MYO3A: variants seen among roughly 807,000 people sequenced by gnomAD.
MYO3A encodes the protein myosin-IIIa.
Under a neutral mutation model 192.7 loss-of-function variants are expected in MYO3A, and 180 were observed. The observed-to-expected ratio is 0.93, with a 90% CI of 0.83 to 1.06. The LOEUF (loss-of-function observed/expected upper bound fraction) is 1.06, where lower values mean the gene tolerates loss of function less well. Among genes scored for constraint, MYO3A ranks in the 50% least tolerant of loss-of-function variants. MYO3A has a pLI of 0.00. For synonymous variants in MYO3A, 628 were observed against 645.3 expected, an observed-to-expected ratio of 0.97 and a Z score of 0.41; for missense variants, 1,896 against 1,905.0, an observed-to-expected ratio of 1.00 and a Z score of 0.09.
intron 15 of MYO3A, among the ~76,000 whole-genome samples, chr10:26,093,682 C>T (rs1209544822): frequency 6.6e-6 from 1 of 152,120 alleles, no homozygotes; most frequent in Non-Finnish European, 1.5e-5. Flanking sequence ...TTTTTCTCTA[C>T]ACTCTCTCAC....
intron 12 of MYO3A, among the ~76,000 whole-genome samples, chr10:26,069,645 T>C (rs7084483): frequency 0.47 from 71,943 of 151,650 alleles, 17,839 homozygotes; most frequent in Middle Eastern, 0.59. Flanking sequence ...TGGTGCAATC[T>C]TGCTATCAAT....
At chr10:26,170,359 A>T in intron 28 of MYO3A, 57 bp from the exon 29 acceptor site, 1 of 1,582,222 alleles carries the variant, frequency 6.3e-7, no homozygotes, top group South Asian at 1.1e-5. Context: ...TACTCTTTAA[A>T]GTAAATTTCT....
intron 4 of MYO3A, among the ~76,000 whole-genome samples, chr10:25,990,911 A>G (rs1313456533): frequency 6.6e-6 from 1 of 151,916 alleles, no homozygotes; most frequent in African/African-American, 2.4e-5. Flanking sequence ...CCAGTCTATC[A>G]TTGTTGGACA....
intron 4 of MYO3A, among the ~76,000 whole-genome samples, chr10:25,955,431 C>T (rs1653501171): frequency 6.6e-6 from 1 of 152,018 alleles, no homozygotes; most frequent in Admixed American, 6.6e-5. Flanking sequence ...CTTTTTCTGT[C>T]TTTATTGAAT....
chr10:25,956,513 T>G (rs1008132402), intron 4 of MYO3A, among the ~76,000 whole-genome samples: 3 of 149,854 alleles, frequency 2.0e-5, no homozygotes, highest in African/African-American at 7.3e-5. Context: ...TTTTTTTTTT[T>G]TTGTATTTTT....
intron 22 of MYO3A, 57 bp from the exon 23 acceptor site, chr10:26,147,373 G>A: frequency 6.8e-7 from 1 of 1,478,664 alleles, no homozygotes. Context: ...TGATGGTGAG[G>A]AGGAGGAGGA....
chr10:26,154,915 A>T, intron 25 of MYO3A, 92 bp downstream of exon 25: 6 of 1,054,006 alleles, frequency 5.7e-6, no homozygotes, highest in Non-Finnish European at 8.6e-6. Flanking sequence ...AGCAAAGAGA[A>T]TGTTTATTGT....
intron 10 of MYO3A, among the ~76,000 whole-genome samples, chr10:26,045,656 C>T (rs1046684007): frequency 6.6e-6 from 1 of 152,122 alleles, no homozygotes; most frequent in African/African-American, 2.4e-5. Context: ...CCTCAGGAAA[C>T]AGAATCTCAT....
At chr10:26,064,619 C>A (rs747351753) in intron 10 of MYO3A, among the ~76,000 whole-genome samples, 1 of 151,896 alleles carries the variant, frequency 6.6e-6, no homozygotes, top group Non-Finnish European at 1.5e-5. Flanking sequence ...TGGCAGCAGG[C>A]AAACCTCTTG....
intron 23 of MYO3A, 94 bp from the exon 24 acceptor site, chr10:26,153,752 GATTA>G: frequency 1.3e-6 from 1 of 796,520 alleles, no homozygotes. Flanking sequence ...AATATTGCAG[GATTA>G]ACAATGCTTA....
chr10:26,193,182 G>C (rs762813070), intron 31 of MYO3A, 23 bp from the exon 32 acceptor site: 1 of 1,524,276 alleles, frequency 6.6e-7, no homozygotes, highest in East Asian at 2.3e-5. Flanking sequence ...TTAAATACTT[G>C]TTTATGATCA....
Position 26,205,052 on chromosome 10 carries a change from A to G in MYO3A, c.4730+1945A>G, listed in dbSNP as rs555302135. The stretch of plus-strand genomic sequence containing the variant: ...TCTTTTTGTGTATATACACACACCA[A>G]GTATTGGCATTGCGCGAGAGGGTGT... On this transcript the variant is annotated intron_variant, in intron 34 of 34. Transcript: ENST00000642920. Among the ~76,000 whole-genome samples the G allele has an allele frequency of 3.9e-5, 6 of 152,356 alleles. No homozygotes were observed. In the South Asian group the frequency reaches 1.0e-3, roughly 26 times the overall value.
intron 20 of MYO3A, among the ~76,000 whole-genome samples, chr10:26,141,187 A>C (rs1840144875): frequency 5.9e-5 from 9 of 152,284 alleles, no homozygotes; most frequent in Admixed American, 5.9e-4. Context: ...TCAGCCTCTC[A>C]AAGTGCTGGG....
chr10:26,109,946 C>T (rs1009753006), intron 17 of MYO3A, among the ~76,000 whole-genome samples: 3 of 152,016 alleles, frequency 2.0e-5, no homozygotes, highest in Non-Finnish European at 2.9e-5. Flanking sequence ...GGGACCAGAG[C>T]GGGAGTTATT....
At chr10:25,952,876 CTT>C (rs538861587) in intron 3 of MYO3A, among the ~76,000 whole-genome samples, 37 of 134,354 alleles carry the variant, frequency 2.8e-4, no homozygotes, top group Non-Finnish European at 2.6e-4. Context: ...GCCCCATTTG[CTT>C]TTTTTTTTTT....
At chr10:26,145,720 A>G (rs1183249396) in intron 22 of MYO3A, among the ~76,000 whole-genome samples, 186 bp downstream of exon 22, 4 of 152,008 alleles carry the variant, frequency 2.6e-5, no homozygotes, top group Non-Finnish European at 5.9e-5. Context: ...TTTGCTAGCC[A>G]CTCACTATGG....
chr10:26,155,311 G>A (rs767360263), intron 25 of MYO3A, among the ~76,000 whole-genome samples: 5 of 152,160 alleles, frequency 3.3e-5, no homozygotes, highest in African/African-American at 4.8e-5. Context: ...ATGCGGTAAC[G>A]TGCTTAAGAG....
intron 6 of MYO3A, among the ~76,000 whole-genome samples, chr10:26,015,344 G>A (rs761724645): frequency 2.0e-5 from 3 of 151,914 alleles, no homozygotes; most frequent in Non-Finnish European, 4.4e-5. Flanking sequence ...TATTCCTTTA[G>A]TTACTCTCTA....
chr10:26,132,524 A>T (rs1839600485), intron 20 of MYO3A, among the ~76,000 whole-genome samples: 1 of 152,220 alleles, frequency 6.6e-6, no homozygotes, highest in South Asian at 2.1e-4. Context: ...GCCAGTGAGC[A>T]CCTAGAACAT....
Sources: gnomAD v4.1 joint callset for allele counts (sites outside exome capture counted in the v4.1 genomes callset) on GRCh38, gnomAD v4.1.1 for gene constraint, MANE v1.5 for transcripts, NCBI Gene and HGNC (gene_info 2026-07-23, HGNC 2026-07-21) for gene names.